Variants in STAB2 observed in about 807,000 individuals in gnomAD.
STAB2 encodes stabilin 2, also known as stabilin-2.
In STAB2, 288 loss-of-function variants were observed where a neutral mutation model predicts 338.1. The ratio of observed to expected loss-of-function variants is 0.85; its 90% CI spans 0.77 to 0.94. The LOEUF is 0.94. STAB2 is among the 40% of genes least tolerant of loss of function. STAB2 has a pLI of 0.00. For missense variants in STAB2, 3,141 were observed against 3,210.1 expected (o/e 0.98, Z 0.52); for synonymous variants, 1,202 against 1,193.3 (o/e 1.01, Z -0.15).
intron 5 of STAB2, among the ~76,000 whole-genome samples, chr12:103,625,349 T>A (rs1440606555): frequency 6.6e-6 from 1 of 152,128 alleles, no homozygotes; most frequent in Non-Finnish European, 1.5e-5. Context: ...GGGAGAATGA[T>A]GGTCTCAACA....
intron 25 of STAB2, among the ~76,000 whole-genome samples, chr12:103,678,404 T>C (rs1339303040): frequency 6.6e-6 from 1 of 152,192 alleles, no homozygotes; most frequent in Non-Finnish European, 1.5e-5. Flanking sequence ...GACCTCTCAT[T>C]TCTGTGCACA....
chr12:103,758,304 T>C lies in STAB2; in HGVS notation c.7107+15T>C. On this transcript the variant is annotated intron_variant, in intron 64 of 68. Transcript: ENST00000388887. ...GGGAGAATGAGGTGAGTTGAGTCCC[T>C]GGTGCCTTTGCTTTAGACTAGCATG... 1 of 1,612,096 alleles carries C rather than the reference T, an allele frequency of 6.2e-7. No individual in the cohort carries two copies. The highest frequency in any genetic ancestry group is 1.1e-5 in the South Asian group (1 of 91,068).
Position 103,703,235 on chromosome 12 carries a change from CAGA to C in STAB2, c.3807_3809del (p.Lys1269del). The C allele has an allele frequency of 6.2e-7, 1 of 1,613,848 alleles. No homozygotes were observed. Among genetic ancestry groups the C allele is most frequent in the Non-Finnish European group, 8.5e-7 (1 of 1,180,030 alleles). Reference sequence around the variant, plus strand: ...TGGCTTGGGAAAAGTTCTGGAAATTCAGAAGAACAGATGTGATAATAATGACAC... The same window carrying C: ...TGGCTTGGGAAAAGTTCTGGAAATTCAGAACAGATGTGATAATAATGACAC... On this transcript the variant is annotated inframe_deletion, in exon 35 of 69. Transcript: ENST00000388887.
At chr12:103,639,029 T>G (rs1434981634) in intron 8 of STAB2, among the ~76,000 whole-genome samples, 1 of 152,170 alleles carries the variant, frequency 6.6e-6, no homozygotes, top group Non-Finnish European at 1.5e-5. Context: ...AAAGGATATA[T>G]TATGCAACAT....
chr12:103,743,023 C>CT (rs34478982), intron 56 of STAB2, among the ~76,000 whole-genome samples: 39,408 of 134,560 alleles, frequency 0.29, 6,336 homozygotes, highest in East Asian at 0.5. Flanking sequence ...ATTTTTTTTT[C>CT]TTTTTTTTTT....
chr12:103,631,821 C>A, intron 6 of STAB2, 128 bp downstream of exon 6: 33 of 749,884 alleles, frequency 4.4e-5, no homozygotes, highest in South Asian at 9.9e-5. Flanking sequence ...TGGAAAGAAA[C>A]TAGAAATTAA....
Position 103,640,206 on chromosome 12 carries a change from C to A in STAB2, c.990C>A (p.Asn330Lys). The A allele has an allele frequency of 1.9e-6, 3 of 1,613,624 alleles. No homozygotes were observed. Among genetic ancestry groups the A allele is most frequent in the South Asian group, 2.2e-5 (2 of 91,028 alleles). Residue 330 changes from asparagine to lysine, a missense_variant, in exon 9 of 69, where the codon AAC becomes AAA. Transcript: ENST00000388887. ...TGACTGATATATGTAAATCAGATAA[C>A]CCGTGTCATAGGAATGCAAATTGCA... ...CSMTDICKSD[N>K]PCHRNANCTT...
chr12:103,716,836 G>A (rs1000223574), intron 43 of STAB2, among the ~76,000 whole-genome samples: 11 of 152,334 alleles, frequency 7.2e-5, no homozygotes, highest in Admixed American at 4.6e-4. Context: ...TGCCCATCCA[G>A]TCCTAGGGGG....
chr12:103,749,436 A>G (rs892814831), intron 59 of STAB2, among the ~76,000 whole-genome samples: 1 of 152,164 alleles, frequency 6.6e-6, no homozygotes, highest in Non-Finnish European at 1.5e-5. Flanking sequence ...TGCTATAGTT[A>G]TGTTGGACAT....
chr12:103,705,620 A>G lies in STAB2; in HGVS notation c.3901-12A>G. 1 of 1,613,364 alleles carries G rather than the reference A, an allele frequency of 6.2e-7. No individual in the cohort carries two copies. The highest frequency in any genetic ancestry group is 8.5e-7 in the Non-Finnish European group (1 of 1,179,258). On this transcript the variant is annotated splice_polypyrimidine_tract_variant and intron_variant, in intron 36 of 68. Coordinates refer to ENST00000388887, the MANE Select transcript of STAB2 (RefSeq NM_017564.10). ...TAACTTAGGAGCTGACGTAGTCATT[A>G]ATATTTCACAGGGTAATGAGAAGAG...
At position 103,624,546 on chromosome 12, in the gene STAB2, G is replaced by A. The variant is rs139257295; in HGVS notation, c.487+2435G>A. On this transcript the variant is annotated intron_variant, in intron 5 of 68. Coordinates refer to ENST00000388887, the MANE Select transcript of STAB2 (RefSeq NM_017564.10). ...TTAATGGGATAAGTGCATAATAAAT[G>A]TTATGATTATTATTCCCTAGCATCC... Among the ~76,000 whole-genome samples, 380 of 152,340 alleles carry A rather than the reference G, an allele frequency of 2.5e-3. 4 individuals carry two copies. The highest frequency in any genetic ancestry group is 5.8e-3 in the Admixed American group (89 of 15,300).
At chr12:103,653,020 A>G (rs1433430781) in intron 12 of STAB2, among the ~76,000 whole-genome samples, 1 of 152,212 alleles carries the variant, frequency 6.6e-6, no homozygotes, top group Non-Finnish European at 1.5e-5. Context: ...GTTTCCTGAA[A>G]GCATCAGCAC....
rs549285236 is a variant in STAB2, at chr12:103,670,203, G to A, written c.2260-493G>A. Among the ~76,000 whole-genome samples, 33 of 152,312 alleles carry A rather than the reference G, an allele frequency of 2.2e-4. 1 individual carries two copies. The highest frequency in any genetic ancestry group is 3.4e-3 in the Middle Eastern group (1 of 294). On this transcript the variant is annotated intron_variant, in intron 21 of 68. Coordinates refer to ENST00000388887, the MANE Select transcript of STAB2 (RefSeq NM_017564.10). Reference sequence around the variant, plus strand: ...ACCATGTGGACAAGGAGAATAGGGAGAGGCCAGTACAAATGACTGCGGCCA... The same window carrying A: ...ACCATGTGGACAAGGAGAATAGGGAAAGGCCAGTACAAATGACTGCGGCCA...
At chr12:103,726,724 A>G (rs1881234508) in intron 46 of STAB2, among the ~76,000 whole-genome samples, 1 of 152,224 alleles carries the variant, frequency 6.6e-6, no homozygotes, top group African/African-American at 2.4e-5. Flanking sequence ...ATACATCTGA[A>G]TGAGATTCAG....
intron 51 of STAB2, 115 bp downstream of exon 51, chr12:103,733,297 C>G (rs1881789567): frequency 8.3e-7 from 1 of 1,207,186 alleles, no homozygotes; most frequent in Non-Finnish European, 1.2e-6. Context: ...CCACTGTATG[C>G]AGGAAGCCAC....
At chr12:103,616,336 G>C (rs977086584) in intron 3 of STAB2, among the ~76,000 whole-genome samples, 2 of 152,204 alleles carry the variant, frequency 1.3e-5, no homozygotes, top group African/African-American at 4.8e-5. Flanking sequence ...ATCTGCCTCA[G>C]AGGCAGGGTC....
chr12:103,753,173 C>T (rs555936347), intron 60 of STAB2, 47 bp from the exon 61 acceptor site: 3 of 1,605,792 alleles, frequency 1.9e-6, no homozygotes, highest in Admixed American at 3.4e-5. Context: ...GGAAACACTG[C>T]CAACCTGGTG....
chr12:103,700,953 G>A (rs1014294456), intron 34 of STAB2, among the ~76,000 whole-genome samples: 4 of 149,680 alleles, frequency 2.7e-5, no homozygotes, highest in South Asian at 2.1e-4. Context: ...CCACTAACTC[G>A]TCATCTAGCA....
At chr12:103,603,853 C>T (rs527917837) in intron 3 of STAB2, among the ~76,000 whole-genome samples, 61 of 152,258 alleles carry the variant, frequency 4.0e-4, no homozygotes, top group African/African-American at 1.4e-3. Flanking sequence ...ATAACGACCC[C>T]GTAGCTCTCC....
Sources: gnomAD v4.1 joint callset for allele counts (sites outside exome capture counted in the v4.1 genomes callset) on GRCh38, gnomAD v4.1.1 for gene constraint, MANE v1.5 for transcripts, NCBI Gene and HGNC (gene_info 2026-07-23, HGNC 2026-07-21) for gene names.